The following L3MBTL1 variants were observed in gnomAD, a reference collection of about 807,000 sequenced individuals.
L3MBTL1 encodes the protein L3MBTL histone methyl-lysine binding protein 1, also known as lethal(3)malignant brain tumor-like protein 1.
A neutral mutation model predicts 105.3 loss-of-function variants in L3MBTL1; 75 were observed. That is an observed-to-expected ratio of 0.71 (90% CI 0.59 to 0.86). L3MBTL1 has a LOEUF of 0.86. Among genes scored for constraint, L3MBTL1 ranks in the 40% least tolerant of loss-of-function variants. The pLI is 0.00. For missense variants in L3MBTL1, 1,069 were observed against 1,126.4 expected (o/e 0.95, Z 0.73); for synonymous variants, 452 against 436.2 (o/e 1.04, Z -0.45).
Position 43,530,329 on chromosome 20 carries a change from T to A in L3MBTL1, c.1102T>A (p.Cys368Ser), listed in dbSNP as rs761294977. 4 of 1,614,118 alleles carry A rather than the reference T, an allele frequency of 2.5e-6. No homozygotes were observed. In the South Asian group the frequency reaches 4.4e-5, roughly 18 times the overall value. Residue 368 changes from cysteine (C) to serine (S), a missense_variant, in exon 10 of 22, where the codon TGC becomes AGC. Coordinates refer to ENST00000418998, the MANE Select transcript of L3MBTL1 (RefSeq NM_001377303.1). Reference protein sequence around the residue: ...LRLHFDGYSECHDFWVNANSP... With the variant: ...LRLHFDGYSESHDFWVNANSP... ...CCTGCACTTTGATGGGTATTCTGAG[T>A]GCCATGACTTCTGGGTCAATGCCAA...
At chr20:43,514,429 G>T in intron 3 of L3MBTL1, 1 of 1,474,618 alleles carries the variant, frequency 6.8e-7, no homozygotes. Context: ...GGGCACCCTG[G>T]GACTGGACCC....
In L3MBTL1 at chr20:43,541,328, T is replaced by C; in HGVS notation, c.*200T>C. On this transcript the variant is annotated 3_prime_UTR_variant, in exon 22 of 22. Coordinates refer to ENST00000418998, the MANE Select transcript of L3MBTL1 (RefSeq NM_001377303.1). ...ATCCCAGTTCTGTCAATTTGAGCTGTTTACTGTCTCTGAGCCTACATCTTC... is the reference window on the plus strand; with the variant it reads ...ATCCCAGTTCTGTCAATTTGAGCTGCTTACTGTCTCTGAGCCTACATCTTC... 4.8e-6 allele frequency: 5 copies of C among 1,031,740 alleles called. No homozygotes were observed. The South Asian group carries it at 8.7e-5, about 18-fold the overall frequency. 63.9% of individuals were successfully genotyped at this position (1,031,740 alleles called of 1,614,324 possible).
At position 43,528,656 on chromosome 20, in the gene L3MBTL1, G is replaced by T. The variant is rs2019160257; in HGVS notation, c.863-1G>T. On this transcript the variant is annotated splice_acceptor_variant, in intron 7 of 21. Coordinates refer to ENST00000418998, the MANE Select transcript of L3MBTL1 (RefSeq NM_001377303.1). LOFTEE classifies it high-confidence loss of function. ...TTAGCCTGTCTGTCCCCTTTCCACA[G>T]CAACAGGTGAGAAGAAGGAATGCTG... 1.2e-6 allele frequency: 2 copies of T among 1,613,326 alleles called. No homozygotes were observed. Among genetic ancestry groups the T allele is most frequent in the African/African-American group, 2.7e-5 (2 of 74,926 alleles).
At position 43,515,325 on chromosome 20, in the gene L3MBTL1, C is replaced by T. The variant is rs773378177; in HGVS notation, c.687C>T (p.Thr229=). 4 of 1,592,160 alleles carry T rather than the reference C, an allele frequency of 2.5e-6. No individual in the cohort carries two copies. The highest frequency in any genetic ancestry group is 2.6e-6 in the Non-Finnish European group (3 of 1,168,134). Residue 229 remains threonine (T), a synonymous_variant, in exon 6 of 22, where the codon ACC becomes ACT. Transcript: ENST00000418998. ...SVIVENSSGS[T]SASELLKPMK... ...TAGTGGAGAACTCCTCAGGCTCTAC[C>T]AGCGCTTCTGAGCTCCTCAAACCCA...
chr20:43,548,228 G>A (rs1386704182), exon 19 of L3MBTL1: 1 of 1,304,192 alleles, frequency 7.7e-7, no homozygotes. Context: ...CAAAAACGCT[G>A]ATGACACCTT....
At chr20:43,514,494 G>A (rs1174005512) in intron 3 of L3MBTL1, 141 bp from the exon 4 acceptor site, 1 of 1,538,684 alleles carries the variant, frequency 6.5e-7, no homozygotes, top group Non-Finnish European at 8.8e-7. Flanking sequence ...GTAGCTTGGA[G>A]TGAGGCCCCC....
Position 43,516,161 on chromosome 20 carries a change from G to C in L3MBTL1, c.846G>C (p.Trp282Cys). ...PTASTPESEE[W>C]SSSQPATGEK... ...CTAGCACCCCAGAGAGTGAGGAGTG[G>C]AGCAGCAGCCAGCCTGGTACGGTGG... Residue 282 changes from tryptophan to cysteine, a missense_variant, in exon 7 of 22, where the codon TGG (tryptophan) becomes TGC (cysteine). Physicochemically the swap from Trp to Cys is radical, Grantham distance 215. Coordinates refer to ENST00000418998, the MANE Select transcript of L3MBTL1 (RefSeq NM_001377303.1). The C allele has an allele frequency of 1.2e-6, 2 of 1,613,952 alleles. No homozygotes were observed. The highest frequency in any genetic ancestry group is 1.3e-5 in the African/African-American group (1 of 75,052).
intron 10 of L3MBTL1, 59 bp from the exon 11 acceptor site, chr20:43,530,739 G>T: frequency 6.8e-7 from 1 of 1,477,212 alleles, no homozygotes; most frequent in Non-Finnish European, 9.5e-7. Flanking sequence ...ACTGTGGGGT[G>T]CCCTTGCTGT....
rs377371886 is a variant in L3MBTL1, at chr20:43,534,333, G to A, written c.1649G>A (p.Arg550His). 56 of 1,613,960 alleles carry A rather than the reference G, an allele frequency of 3.5e-5. No homozygotes were observed. The Middle Eastern group carries it at 4.9e-4, about 14-fold the overall frequency. ...LVNMKLEAVD[R>H]RNPALIRVAS... ...AATATGAAGCTGGAGGCTGTGGACC[G>A]CAGGAACCCAGCCCTGATTCGCGTG... is the stretch of plus-strand genomic sequence containing the variant. The change falls in exon 15 of 22, where the codon CGC (arginine) becomes CAC (histidine). Residue 550 changes from arginine to histidine, a missense_variant. By Grantham distance (29) the Arg-to-His change is conservative. Coordinates refer to ENST00000418998, the MANE Select transcript of L3MBTL1 (RefSeq NM_001377303.1).
chr20:43,539,894 C>T, intron 19 of L3MBTL1: 1 of 575,142 alleles, frequency 1.7e-6, no homozygotes. Flanking sequence ...GTGGTGCAGC[C>T]TCAGAGAGAC....
intron 9 of L3MBTL1, 137 bp downstream of exon 9, chr20:43,529,505 TAGAA>T (rs2019215237): frequency 2.9e-6 from 2 of 679,376 alleles, no homozygotes; most frequent in Non-Finnish European, 5.2e-6. Flanking sequence ...CTGGAATACA[TAGAA>T]AGCTTAAAAC....
chr20:43,514,366 G>A (rs1280257512), intron 3 of L3MBTL1: 10 of 1,340,466 alleles, frequency 7.5e-6, no homozygotes, highest in Non-Finnish European at 7.9e-6. Context: ...GTGGCTTAGA[G>A]TGGGGTACCG....
At chr20:43,547,178 C>A (rs1203086089) in intron 18 of L3MBTL1, among the ~76,000 whole-genome samples, 1 of 148,748 alleles carries the variant, frequency 6.7e-6, no homozygotes, top group Non-Finnish European at 1.5e-5. Flanking sequence ...GATCTCGGCT[C>A]ACTGCAAGCT....
Position 43,540,958 on chromosome 20 carries a change from G to A in L3MBTL1, c.2419G>A (p.Val807Ile), listed in dbSNP as rs376474645. The A allele has an allele frequency of 3.7e-6, 6 of 1,614,046 alleles. No individual in the cohort carries two copies. The African/African-American group carries it at 8.0e-5, about 22-fold the overall frequency. ...DEARIVRVTH[V>I]SGKTLVWTVA... ...GGCAAGAATAGTCAGAGTGACCCATGTATCTGGGAAGACTCTAGTCTGGAC... is the reference window on the plus strand; with the variant it reads ...GGCAAGAATAGTCAGAGTGACCCATATATCTGGGAAGACTCTAGTCTGGAC... The change falls in exon 22 of 22, where the codon GTA (valine) becomes ATA (isoleucine). Residue 807 changes from valine (V) to isoleucine (I), a missense_variant. Physicochemically the swap from Val to Ile is conservative, Grantham distance 29 (BLOSUM62 3). Transcript: ENST00000418998.
chr20:43,538,798 ATGT>A (rs2019761475), intron 19 of L3MBTL1, among the ~76,000 whole-genome samples: 1 of 152,166 alleles, frequency 6.6e-6, no homozygotes, highest in African/African-American at 2.4e-5. Flanking sequence ...TACAAACTTG[ATGT>A]TGTCTCCCAA....
At position 43,513,957 on chromosome 20, in the gene L3MBTL1, G is replaced by A. The variant is rs1309304654; in HGVS notation, c.256G>A (p.Val86Ile). 5.8e-6 allele frequency: 9 copies of A among 1,549,208 alleles called. No individual in the cohort carries two copies. Among genetic ancestry groups the A allele is most frequent in the South Asian group, 1.2e-5 (1 of 84,070 alleles). Reference protein sequence around the residue: ...VAGCEPVSATVLPQLSAGPAS... With the variant: ...VAGCEPVSATILPQLSAGPAS... ...CGGCTGCGAACCAGTTTCTGCCACC[G>A]TCCTGCCGCAGCTTAGCGCCGGGCC... is the stretch of plus-strand genomic sequence containing the variant. The change falls in exon 3 of 22, where the codon GTC becomes ATC. Residue 86 changes from valine to isoleucine, a missense_variant. Physicochemically the swap from Val to Ile is conservative, Grantham distance 29 (BLOSUM62 3). Coordinates refer to ENST00000418998, the MANE Select transcript of L3MBTL1 (RefSeq NM_001377303.1).
intron 1 of L3MBTL1, among the ~76,000 whole-genome samples, chr20:43,508,194 CT>C (rs765428033): frequency 0.019 from 2,695 of 141,602 alleles, 66 homozygotes; most frequent in African/African-American, 0.059. Context: ...GTTTCTCTCT[CT>C]TTTTTTTTTT....
intron 18 of L3MBTL1, 42 bp downstream of exon 18, chr20:43,536,336 G>A (rs1282963178): frequency 3.1e-6 from 5 of 1,612,128 alleles, no homozygotes; most frequent in Non-Finnish European, 3.4e-6. Flanking sequence ...TCCTGGGGGT[G>A]TGGGGCCTTG....
intron 1 of L3MBTL1, among the ~76,000 whole-genome samples, chr20:43,509,576 A>C (rs770533242): frequency 1.3e-5 from 2 of 152,184 alleles, no homozygotes; most frequent in African/African-American, 4.8e-5. Flanking sequence ...CTTCAAATTT[A>C]TACCTCCAGC....
Sources: allele counts gnomAD v4.1 joint callset (sites outside exome capture counted in the v4.1 genomes callset), GRCh38; gene constraint gnomAD v4.1.1; transcripts MANE v1.5; gene names NCBI Gene and HGNC (gene_info 2026-07-23, HGNC 2026-07-21).